The following ERBB4 variants were observed in gnomAD, a reference collection of about 807,000 sequenced individuals.
The protein encoded by ERBB4 is receptor tyrosine-protein kinase erbB-4.
Under a neutral mutation model 158.0 loss-of-function variants are expected in ERBB4, and 42 were observed. The observed-to-expected ratio is 0.27, with a 90% CI of 0.21 to 0.34. The LOEUF (loss-of-function observed/expected upper bound fraction) is 0.34, where lower values mean the gene tolerates loss of function less well. Among genes scored for constraint, ERBB4 ranks in the 10% least tolerant of loss-of-function variants. The pLI, the probability that ERBB4 is intolerant of heterozygous loss-of-function variation, is 1.00. For synonymous variants in ERBB4, 583 were observed against 558.7 expected, an observed-to-expected ratio of 1.04 and a Z score of -0.61; for missense variants, 1,333 against 1,624.1, an observed-to-expected ratio of 0.82 and a Z score of 3.08.
intron 1 of ERBB4, among the ~76,000 whole-genome samples, chr2:212,525,646 T>C (rs754052801): frequency 6.7e-6 from 1 of 149,676 alleles, no homozygotes; most frequent in South Asian, 2.1e-4. Flanking sequence ...ATGTTACACA[T>C]CTGGTGAACA....
At chr2:211,753,908 A>C (rs1388919910) in intron 4 of ERBB4, among the ~76,000 whole-genome samples, 2 of 127,090 alleles carry the variant, frequency 1.6e-5, no homozygotes, top group East Asian at 2.3e-4. Flanking sequence ...CCCAGGCTGG[A>C]GTGCAGTGGC....
At chr2:211,420,637 A>T in intron 24 of ERBB4, 26 bp from the exon 25 acceptor site, 1 of 1,593,644 alleles carries the variant, frequency 6.3e-7, no homozygotes. Context: ...CCCATCAGAC[A>T]CAAATATGAT....
At chr2:211,430,896 G>A (rs2125429034) in intron 21 of ERBB4, 49 bp downstream of exon 21, 2 of 1,434,656 alleles carry the variant, frequency 1.4e-6, no homozygotes, top group Non-Finnish European at 2.0e-6. Context: ...GAGATAAAAG[G>A]ATATTATACT....
At chr2:211,819,255 G>C (rs2076941657) in intron 3 of ERBB4, among the ~76,000 whole-genome samples, 1 of 151,920 alleles carries the variant, frequency 6.6e-6, no homozygotes, top group Non-Finnish European at 1.5e-5. Context: ...ATGGTGCTAA[G>C]ATCTAGAGAT....
chr2:211,824,781 G>T (rs544227869), intron 3 of ERBB4, among the ~76,000 whole-genome samples: 2 of 151,724 alleles, frequency 1.3e-5, no homozygotes, highest in African/African-American at 4.8e-5. Context: ...ATAATTTTAC[G>T]TTATTTTTCC....
At chr2:211,675,770 AAT>A (rs200881629) in intron 13 of ERBB4, among the ~76,000 whole-genome samples, 2 of 119,214 alleles carry the variant, frequency 1.7e-5, no homozygotes, top group African/African-American at 6.1e-5. Flanking sequence ...TATTTAATAT[AAT>A]ATATATATAA....
intron 2 of ERBB4, among the ~76,000 whole-genome samples, chr2:212,123,352 G>A (rs749896344): frequency 2.6e-5 from 4 of 152,108 alleles, no homozygotes; most frequent in Non-Finnish European, 5.9e-5. Context: ...GCAATGAGCC[G>A]ATATCACACC....
At chr2:211,839,499 G>GT (rs1293071132) in intron 3 of ERBB4, among the ~76,000 whole-genome samples, 2 of 151,964 alleles carry the variant, frequency 1.3e-5, no homozygotes, top group South Asian at 2.1e-4. Context: ...TCTCAACTAG[G>GT]TTTTTTTCTC....
At chr2:211,700,169 A>G (rs1325500126) in intron 12 of ERBB4, among the ~76,000 whole-genome samples, 1 of 152,134 alleles carries the variant, frequency 6.6e-6, no homozygotes, top group African/African-American at 2.4e-5. Flanking sequence ...ACATTCATCA[A>G]TTGGTATTGA....
intron 20 of ERBB4, among the ~76,000 whole-genome samples, chr2:211,432,168 C>A (rs1276684254): frequency 6.6e-6 from 1 of 152,160 alleles, no homozygotes; most frequent in Non-Finnish European, 1.5e-5. Flanking sequence ...AATGTTGAAG[C>A]ATACTCTCAT....
At chr2:211,649,451 T>C (rs946379847) in intron 16 of ERBB4, among the ~76,000 whole-genome samples, 2 of 151,906 alleles carry the variant, frequency 1.3e-5, no homozygotes, top group African/African-American at 4.8e-5. Context: ...TGTTTTGGTT[T>C]TCCCTTTGGT....
At chr2:211,934,369 C>T (rs2080256765) in intron 3 of ERBB4, among the ~76,000 whole-genome samples, 1 of 151,836 alleles carries the variant, frequency 6.6e-6, no homozygotes, top group Non-Finnish European at 1.5e-5. Context: ...AGTTAGTATT[C>T]TGGTCCTTAA....
intron 2 of ERBB4, among the ~76,000 whole-genome samples, chr2:212,014,941 G>A (rs1315133263): frequency 6.7e-6 from 1 of 148,404 alleles, no homozygotes; most frequent in Middle Eastern, 3.4e-3. Flanking sequence ...GCCTGTAATC[G>A]CAGCACTTTG....
chr2:211,973,428 C>T (rs1018968518), intron 2 of ERBB4, among the ~76,000 whole-genome samples: 11 of 152,070 alleles, frequency 7.2e-5, no homozygotes, highest in Non-Finnish European at 1.6e-4. Context: ...GTCTCATTCT[C>T]CTGACTTCAT....
At chr2:212,246,310 G>A (rs1445426233) in intron 1 of ERBB4, among the ~76,000 whole-genome samples, 1 of 152,172 alleles carries the variant, frequency 6.6e-6, no homozygotes, top group Non-Finnish European at 1.5e-5. Flanking sequence ...TTCATTTTAA[G>A]CAGCTTGAAT....
At chr2:212,151,723 T>C in intron 1 of ERBB4, among the ~76,000 whole-genome samples, 1 of 151,856 alleles carries the variant, frequency 6.6e-6, no homozygotes, top group East Asian at 1.9e-4. Context: ...ACCCTGTCTC[T>C]ACTAAAAATA....
intron 3 of ERBB4, among the ~76,000 whole-genome samples, chr2:211,847,960 AG>A (rs1362296079): frequency 1.1e-4 from 16 of 152,120 alleles, no homozygotes; most frequent in African/African-American, 3.9e-4. Context: ...GAAGTAGAAA[AG>A]TTATATACCT....
chr2:211,929,884 CAT>C (rs926537687), intron 3 of ERBB4, among the ~76,000 whole-genome samples: 45 of 152,150 alleles, frequency 3.0e-4, no homozygotes, highest in African/African-American at 1.0e-3. Context: ...AGAAAAACAA[CAT>C]GTGTATACAC....
At chr2:212,205,236 C>T (rs1052247740) in intron 1 of ERBB4, among the ~76,000 whole-genome samples, 1 of 152,148 alleles carries the variant, frequency 6.6e-6, no homozygotes, top group African/African-American at 2.4e-5. Context: ...TCTCTGCTCA[C>T]TGAAGTCTCT....
Sources: allele counts gnomAD v4.1 joint callset (sites outside exome capture counted in the v4.1 genomes callset), GRCh38; gene constraint gnomAD v4.1.1; transcripts MANE v1.5; gene names NCBI Gene and HGNC (gene_info 2026-07-23, HGNC 2026-07-21).